Variants in USP36 observed in about 807,000 individuals in gnomAD.
The protein encoded by USP36 is ubiquitin carboxyl-terminal hydrolase 36.
In USP36, 59 loss-of-function variants were observed where a neutral mutation model predicts 111.5. That is an observed-to-expected ratio of 0.53 (90% CI 0.43 to 0.66). The LOEUF is 0.66. USP36 is among the 30% of genes least tolerant of loss of function. USP36 has a pLI of 0.00. For missense variants in USP36, 1,488 were observed against 1,468.0 expected, an observed-to-expected ratio of 1.01 and a Z score of -0.22; for synonymous variants, 628 against 581.0, an observed-to-expected ratio of 1.08 and a Z score of -1.16.
chr17:78,831,300 T>C (rs951409698), intron 4 of USP36, among the ~76,000 whole-genome samples: 19 of 147,012 alleles, frequency 1.3e-4, no homozygotes, highest in Non-Finnish European at 2.5e-4. Flanking sequence ...AAAACCTAAC[T>C]TCAGGTAAGA....
intron 6 of USP36, among the ~76,000 whole-genome samples, chr17:78,825,575 AC>A (rs2067459118): frequency 6.6e-6 from 1 of 151,318 alleles, no homozygotes; most frequent in South Asian, 2.1e-4. Flanking sequence ...ACCACCACCC[AC>A]CCCAATGCCC....
rs913079300 is a variant in USP36, at chr17:78,822,738, T to A, written c.690-734A>T. Among the ~76,000 whole-genome samples the A allele has an allele frequency of 1.9e-4, 29 of 152,242 alleles. No individual in the cohort carries two copies. In the East Asian group the frequency reaches 4.8e-3, roughly 25 times the overall value. ...GAAGGTTCTGAAACAATACACCACA[T>A]CCAGTCTCTGCTCCTGGTTCTACTT... On this transcript the variant is annotated intron_variant, in intron 6 of 20. Transcript: ENST00000449938.
intron 13 of USP36, among the ~76,000 whole-genome samples, chr17:78,808,049 T>C (rs753111998): frequency 2.0e-4 from 31 of 152,136 alleles, no homozygotes; most frequent in Non-Finnish European, 4.0e-4. Flanking sequence ...ACCAGTACAT[T>C]TTCATCAAGA....
At chr17:78,832,547 A>G (rs1338293096) in intron 4 of USP36, among the ~76,000 whole-genome samples, 1 of 152,246 alleles carries the variant, frequency 6.6e-6, no homozygotes, top group East Asian at 1.9e-4. Flanking sequence ...CTTGCTGCTG[A>G]CATGCTGCAA....
At chr17:78,823,586 C>T (rs1056539161) in intron 6 of USP36, among the ~76,000 whole-genome samples, 1 of 152,106 alleles carries the variant, frequency 6.6e-6, no homozygotes, top group Non-Finnish European at 1.5e-5. Context: ...GAGAGCCACC[C>T]GGAATCACAG....
chr17:78,823,077 A>C (rs2094369591), intron 6 of USP36: 1 of 398,428 alleles, frequency 2.5e-6, no homozygotes, highest in Admixed American at 4.4e-5. Flanking sequence ...GAACATGCAC[A>C]CCTCAGTCTC....
chr17:78,834,986 AAAT>A (rs1258137610), intron 4 of USP36, among the ~76,000 whole-genome samples: 1 of 103,488 alleles, frequency 9.7e-6, no homozygotes, highest in East Asian at 2.9e-4. Context: ...GTCTCTAAAA[AAAT>A]AATATTTGTA....
intron 3 of USP36, among the ~76,000 whole-genome samples, chr17:78,790,246 C>T (rs1001126510): frequency 2.0e-5 from 3 of 151,768 alleles, no homozygotes; most frequent in Non-Finnish European, 2.9e-5. Flanking sequence ...CCCACCACCA[C>T]GCCTGGCTAA....
At chr17:78,806,548 G>T (rs938702410) in intron 14 of USP36, among the ~76,000 whole-genome samples, 1 of 152,184 alleles carries the variant, frequency 6.6e-6, no homozygotes, top group African/African-American at 2.4e-5. Context: ...TCCACGTGCC[G>T]TGGCTGCCCA....
At chr17:78,826,580 C>T (rs1223077987) in intron 6 of USP36, 1 of 154,900 alleles carries the variant, frequency 6.5e-6, no homozygotes, top group Non-Finnish European at 1.4e-5. Flanking sequence ...ATTCCCTAAA[C>T]TATTTAAAGT....
Position 78,827,234 on chromosome 17 carries a change from G to GGGGGGGCC in USP36, c.689+10_689+11insGGCCCCCC. 1 of 894,886 alleles carries GGGGGGGCC rather than the reference G, an allele frequency of 1.1e-6. No homozygotes were observed. The allele number at this position is 894,886 out of a possible 1,614,324, so 55.4% of individuals were successfully genotyped here. Reference sequence around the variant, plus strand: ...CCAAAGCCCTGGGAGGGTGGGTGGGGAAGCACGCACTTGGCACAGCCATTC... The same window carrying GGGGGGGCC: ...CCAAAGCCCTGGGAGGGTGGGTGGGGGGGGGGCCAAGCACGCACTTGGCACAGCCATTC... On this transcript the variant is annotated intron_variant, in intron 6 of 20. Transcript: ENST00000449938.
intron 16 of USP36, among the ~76,000 whole-genome samples, chr17:78,802,986 T>G (rs2093794786): frequency 1.3e-5 from 2 of 152,158 alleles, no homozygotes; most frequent in Non-Finnish European, 2.9e-5. Flanking sequence ...TCACCCAGGC[T>G]GTAGTGCAGT....
Position 78,806,151 on chromosome 17 carries a change from C to T in USP36, c.2216+5G>A, listed in dbSNP as rs767650056. On this transcript the variant is annotated splice_donor_5th_base_variant and intron_variant, in intron 15 of 20. Coordinates refer to ENST00000449938, the MANE Select transcript of USP36 (RefSeq NM_001385174.1). Reference sequence around the variant, plus strand: ...GCACCCAGAAGATCCCGGCCCAAAGCTTACCTGGCTCTATGGACGGGCCAA... The same window carrying T: ...GCACCCAGAAGATCCCGGCCCAAAGTTTACCTGGCTCTATGGACGGGCCAA... The T allele has an allele frequency of 6.2e-7, 1 of 1,613,226 alleles. No individual in the cohort carries two copies. The highest frequency in any genetic ancestry group is 8.5e-7 in the Non-Finnish European group (1 of 1,179,860).
In USP36 at chr17:78,802,367, G is replaced by C. The variant is rs911929915; in HGVS notation, c.2979C>G (p.Ser993Arg). The C allele has an allele frequency of 4.4e-6, 7 of 1,603,784 alleles. No individual in the cohort carries two copies. Among genetic ancestry groups the C allele is most frequent in the Non-Finnish European group, 6.0e-6 (7 of 1,175,440 alleles). Residue 993 changes from serine to arginine, a missense_variant, in exon 17 of 21, where the codon AGC becomes AGG. By Grantham distance (110) the Ser-to-Arg change is moderately radical. Around this residue, in one of 3 missense-constraint regions of USP36, gnomAD observed 1,073 missense variants for 994.1 expected, o/e 1.08. Coordinates refer to ENST00000449938, the MANE Select transcript of USP36 (RefSeq NM_001385174.1). ...PQDAVVPESS[S>R]CAPSANGWCP... Reference sequence around the variant, plus strand: ...ACCAGCCATTCGCGGATGGTGCGCAGCTGCTGGACTCGGGGACAACAGCAT... The same window carrying C: ...ACCAGCCATTCGCGGATGGTGCGCACCTGCTGGACTCGGGGACAACAGCAT...
chr17:78,817,737 C>CAA (rs778072599), intron 10 of USP36, among the ~76,000 whole-genome samples: 6 of 114,570 alleles, frequency 5.2e-5, no homozygotes, highest in Non-Finnish European at 9.2e-5. Context: ...GACTCTGTCT[C>CAA]AAAAAAAAAA....
chr17:78,818,898 G>T, intron 9 of USP36, 120 bp from the exon 10 acceptor site: 4 of 1,011,292 alleles, frequency 4.0e-6, no homozygotes, highest in South Asian at 1.5e-5. Context: ...CTTCATCAAT[G>T]AGATTTCGAC....
Position 78,833,017 on chromosome 17 carries a change from G to A in USP36, c.475+2263C>T, listed in dbSNP as rs971402155. Among the ~76,000 whole-genome samples the A allele has an allele frequency of 5.3e-5, 8 of 152,022 alleles. No individual in the cohort carries two copies. In the East Asian group the frequency reaches 9.8e-4, roughly 19 times the overall value. Reference sequence around the variant, plus strand: ...TACAAAATTAGCCAGGCGTGGTGGCGGGCACCTGCAGTCCCAGCTACTTGG... The same window carrying A: ...TACAAAATTAGCCAGGCGTGGTGGCAGGCACCTGCAGTCCCAGCTACTTGG... On this transcript the variant is annotated intron_variant, in intron 4 of 20. Coordinates refer to ENST00000449938, the MANE Select transcript of USP36 (RefSeq NM_001385174.1).
rs1406997451 is a variant in USP36, at chr17:78,799,735, C to A, written c.3056G>T (p.Gly1019Val). Residue 1019 changes from glycine to valine, a missense_variant, in exon 18 of 21, where the codon GGA (glycine) becomes GTA (valine). Around this residue, in one of 3 missense-constraint regions of USP36, gnomAD observed 1,073 missense variants for 994.1 expected, o/e 1.08. Transcript: ENST00000449938. ...CTGGACCACATCAGACTCCCGCTCT[C>A]CATTCCAAGACACAGGAGGGGCCTG... ...LSQAPPVSWN[G>V]ERESDVVQEL... 1 of 1,612,190 alleles carries A rather than the reference C, an allele frequency of 6.2e-7. No individual in the cohort carries two copies. Among genetic ancestry groups the A allele is most frequent in the East Asian group, 2.2e-5 (1 of 44,598 alleles).
downstream of USP36, among the ~76,000 whole-genome samples, chr17:78,791,212 G>A (rs1440089209): frequency 7.1e-6 from 1 of 141,816 alleles, no homozygotes; most frequent in African/African-American, 2.7e-5. Flanking sequence ...TCGGCTCACC[G>A]CAACCTCCAC....
Sources: gnomAD v4.1 joint callset for allele counts (sites outside exome capture counted in the v4.1 genomes callset) on GRCh38, gnomAD v4.1.1 for gene constraint, gnomAD v4.1.1 regional missense constraint, MANE v1.5 for transcripts, NCBI Gene and HGNC (gene_info 2026-07-23, HGNC 2026-07-21) for gene names.